Variants in FMR1 observed in about 807,000 individuals in gnomAD.
FMR1 encodes the protein fragile X messenger ribonucleoprotein 1.
FMR1 carries 13 observed loss-of-function variants against 50.6 expected under a neutral mutation model. The ratio of observed to expected loss-of-function variants is 0.26; its 90% CI spans 0.17 to 0.41. FMR1 has a LOEUF of 0.41. FMR1 is among the 10% of genes least tolerant of loss of function. The probability of loss-of-function intolerance (pLI) is 1.00; values close to 1 mark genes in which losing one functional copy is unlikely to be tolerated. For synonymous variants in FMR1, 138 were observed against 164.1 expected (o/e 0.84, Z 1.22); for missense variants, 316 against 491.3 (o/e 0.64, Z 3.37).
At chrX:147,946,710 T>C (rs2044181111) in intron 16 of FMR1, among the ~76,000 whole-genome samples, 1 of 112,579 alleles carries the variant, frequency 8.9e-6, no homozygotes, top group African/African-American at 3.2e-5. Context: ...TATGTTGTCG[T>C]CTACTTTTTC....
Position 147,940,824 on chromosome X carries a change from T to A in FMR1, c.1275+162T>A, listed in dbSNP as rs1200423944. Among the ~76,000 whole-genome samples, 4 of 112,498 alleles carry A rather than the reference T, an allele frequency of 3.6e-5. No individual in the cohort carries two copies. The East Asian group carries it at 8.3e-4, about 23-fold the overall frequency. ...TACGTTGTTTGGCTTATAATTTTTTTAAAAATGGAAGTCTTTATAAATTTA... is the reference window on the plus strand; with the variant it reads ...TACGTTGTTTGGCTTATAATTTTTTAAAAAATGGAAGTCTTTATAAATTTA... On this transcript the variant is annotated intron_variant, in intron 13 of 16. Coordinates refer to ENST00000370475, the MANE Select transcript of FMR1 (RefSeq NM_002024.6).
chrX:147,923,773 A>G (rs1557176917), intron 2 of FMR1, among the ~76,000 whole-genome samples: 2 of 111,959 alleles, frequency 1.8e-5, no homozygotes, highest in African/African-American at 6.5e-5. Context: ...TTCATGGAGT[A>G]TGTTTGCAAT....
At chrX:147,941,809 C>G (rs2044016816) in intron 13 of FMR1, among the ~76,000 whole-genome samples, 1 of 112,298 alleles carries the variant, frequency 8.9e-6, no homozygotes, top group Non-Finnish European at 1.9e-5. Flanking sequence ...AATGTTCTTT[C>G]TTAGATCCTT....
chrX:147,934,204 TG>T (rs1410253745), intron 9 of FMR1, among the ~76,000 whole-genome samples: 3 of 103,857 alleles, frequency 2.9e-5, no homozygotes, highest in South Asian at 3.8e-4. Context: ...GTAGTTGTTT[TG>T]TTTTTTTTTT....
chrX:147,931,876 A>C lies in FMR1; in HGVS notation c.631-549A>C, dbSNP rs782589532. Among the ~76,000 whole-genome samples the C allele has an allele frequency of 5.0e-4, 56 of 111,638 alleles. 1 individual carries two copies. Among genetic ancestry groups the C allele is most frequent in the Non-Finnish European group, 9.8e-4 (52 of 53,049 alleles). ...ACAATTTTTGATTCCTTAGGTTTTG[A>C]GGGAGGTGTCATTTTAATGTCATTT... On this transcript the variant is annotated intron_variant, in intron 7 of 16. Transcript: ENST00000370475.
At chrX:147,933,602 T>C (rs1181150148) in intron 9 of FMR1, 1 of 859,229 alleles carries the variant, frequency 1.2e-6, no homozygotes, top group Non-Finnish European at 1.4e-6. Flanking sequence ...CAGATATCTT[T>C]AGTAGAACAT....
chrX:147,917,350 A>T (rs1557175430), intron 1 of FMR1, among the ~76,000 whole-genome samples: 2 of 112,220 alleles, frequency 1.8e-5, no homozygotes, highest in African/African-American at 6.5e-5. Flanking sequence ...AGCTCTAGGC[A>T]TTACATACTT....
At chrX:147,927,065 T>C (rs2043417483) in intron 3 of FMR1, among the ~76,000 whole-genome samples, 2 of 112,110 alleles carry the variant, frequency 1.8e-5, no homozygotes, top group African/African-American at 6.5e-5. Context: ...TTTCCAAAAA[T>C]GTAACCAATC....
Position 147,938,149 on chromosome X carries a change from C to T in FMR1, c.1176C>T (p.Leu392=). The T allele has an allele frequency of 1.7e-6, 2 of 1,197,786 alleles. No homozygotes were observed. The highest frequency in any genetic ancestry group is 2.3e-6 in the Non-Finnish European group (2 of 883,054). Residue 392 remains leucine, a synonymous_variant, in exon 12 of 17, where the codon CTC becomes CTT. Transcript: ENST00000370475. ...CAGGGGAATCCCAGAAACCTGAACTCAAGGCTTGGCAGGTAGGAAAACATT... is the reference window on the plus strand; with the variant it reads ...CAGGGGAATCCCAGAAACCTGAACTTAAGGCTTGGCAGGTAGGAAAACATT... The part of the protein sequence containing the change: ...VVAGESQKPE[L]KAWQGMVPFV...
intron 1 of FMR1, chrX:147,913,868 A>G (rs1360474825): frequency 1.8e-5 from 2 of 111,935 alleles, no homozygotes; most frequent in African/African-American, 6.5e-5. Flanking sequence ...TTCTGGCACT[A>G]ATAACTATAA....
chrX:147,944,280 A>G (rs1435560734), intron 14 of FMR1: 7 of 751,640 alleles, frequency 9.3e-6, no homozygotes, highest in East Asian at 1.5e-4. Flanking sequence ...TTAATGATCA[A>G]TTATTGTAAT....
intron 12 of FMR1, chrX:147,940,160 CAAAA>C: frequency 2.8e-4 from 9 of 32,394 alleles, no homozygotes; most frequent in Non-Finnish European, 4.3e-4. Flanking sequence ...GACTCCGTCT[CAAAA>C]AAAAAAAAAA....
At position 147,949,543 on chromosome X, in the gene FMR1, C is replaced by A. The variant is rs781889839; in HGVS notation, c.*699C>A. The stretch of plus-strand genomic sequence containing the variant: ...CATGCTTTCCATATTTTTTTCCTTA[C>A]ATAAACATCAGGTTAGGCAGTATAA... On this transcript the variant is annotated 3_prime_UTR_variant, in exon 17 of 17. Coordinates refer to ENST00000370475, the MANE Select transcript of FMR1 (RefSeq NM_002024.6). 3 of 327,614 alleles carry A rather than the reference C, an allele frequency of 9.2e-6. No homozygotes were observed. The highest frequency in any genetic ancestry group is 1.8e-5 in the Non-Finnish European group (3 of 169,634). 27.0% of individuals were successfully genotyped at this position (327,614 alleles called of 1,213,427 possible). A position where few individuals can be genotyped will look rare whatever the true frequency, so the allele number is the denominator to read the frequency against.
At chrX:147,941,474 C>G (rs1306424641) in intron 13 of FMR1, among the ~76,000 whole-genome samples, 1 of 112,317 alleles carries the variant, frequency 8.9e-6, no homozygotes, top group Non-Finnish European at 1.9e-5. Context: ...AGCATTTCAA[C>G]TCTATTTATG....
chrX:147,935,631 C>T (rs180951128), intron 9 of FMR1, among the ~76,000 whole-genome samples: 4 of 111,891 alleles, frequency 3.6e-5, no homozygotes, highest in Admixed American at 2.8e-4. Context: ...TGCTTTACCA[C>T]TCGTGTCATG....
intron 3 of FMR1, chrX:147,927,799 A>T (rs1326529262): frequency 8.9e-6 from 1 of 112,804 alleles, no homozygotes; most frequent in African/African-American, 3.3e-5. Context: ...GCAGGAGACC[A>T]GAAAGTGACC....
intron 6 of FMR1, 39 bp from the exon 7 acceptor site, chrX:147,930,089 A>G (rs782483148): frequency 3.5e-6 from 4 of 1,148,445 alleles, no homozygotes; most frequent in Non-Finnish European, 3.6e-6. Flanking sequence ...ATCTGGGGCA[A>G]TTGCCTTGAT....
intron 2 of FMR1, among the ~76,000 whole-genome samples, chrX:147,925,285 T>C (rs986670254): frequency 5.4e-5 from 6 of 112,136 alleles, no homozygotes; most frequent in Non-Finnish European, 9.4e-5. Flanking sequence ...GTTTTGAAAA[T>C]CATAATGTTG....
intron 11 of FMR1, 25 bp downstream of exon 11, chrX:147,937,625 TTACAA>T (rs2043835645): frequency 8.3e-6 from 6 of 719,536 alleles, no homozygotes; most frequent in African/African-American, 2.1e-5. Flanking sequence ...TCACTTTGAA[TTACAA>T]TACAAGTAAT....
Sources: gnomAD v4.1 joint callset for allele counts (sites outside exome capture counted in the v4.1 genomes callset) on GRCh38, gnomAD v4.1.1 for gene constraint, MANE v1.5 for transcripts, NCBI Gene and HGNC (gene_info 2026-07-23, HGNC 2026-07-21) for gene names.